MRPS18A: variants seen among roughly 807,000 people sequenced by gnomAD.
MRPS18A encodes mitochondrial ribosomal protein S18A.
MRPS18A carries 20 observed loss-of-function variants against 22.7 expected under a neutral mutation model. That is an observed-to-expected ratio of 0.88 (90% CI 0.62 to 1.28). The LOEUF is 1.28. Ranked by LOEUF, MRPS18A falls within the 50% of genes most tolerant of loss-of-function variation. MRPS18A has a pLI of 0.00. For missense variants in MRPS18A, 294 were observed against 262.6 expected (o/e 1.12, Z -0.83); for synonymous variants, 106 against 99.1 (o/e 1.07, Z -0.41).
intron 5 of MRPS18A, among the ~76,000 whole-genome samples, chr6:43,674,118 C>T (rs1253332119): frequency 6.6e-6 from 1 of 152,188 alleles, no homozygotes; most frequent in East Asian, 1.9e-4. Context: ...GAGATGGGCA[C>T]ACAGCCAGGG....
rs190812195 is a variant in MRPS18A at position 43,679,431 on chromosome 6, T to A, written c.145-806A>T. ...ATACAGATGGGAGGATACATTTCTC[T>A]GTCATGCTCCTTGCTTTTATCATTT... On this transcript the variant is annotated intron_variant, in intron 2 of 5. Coordinates refer to ENST00000372133, the MANE Select transcript of MRPS18A (RefSeq NM_018135.4). 4.6e-5 allele frequency among the ~76,000 whole-genome samples: 7 copies of A among 152,400 alleles called. No individual in the cohort carries two copies. In the East Asian group the frequency reaches 1.3e-3, roughly 29 times the overall value.
intron 2 of MRPS18A, among the ~76,000 whole-genome samples, chr6:43,679,747 T>C (rs1774282119): frequency 1.3e-5 from 2 of 152,100 alleles, no homozygotes; most frequent in African/African-American, 4.8e-5. Context: ...TGCAGGGCAC[T>C]GCTACCCTCC....
chr6:43,684,542 CT>C (rs1330169732), intron 1 of MRPS18A, among the ~76,000 whole-genome samples: 2 of 152,192 alleles, frequency 1.3e-5, no homozygotes, highest in African/African-American at 4.8e-5. Context: ...CCTTGGACCC[CT>C]GAGGGAATGT....
At chr6:43,678,296 T>C (rs1236191453) in intron 3 of MRPS18A, among the ~76,000 whole-genome samples, 1 of 152,146 alleles carries the variant, frequency 6.6e-6, no homozygotes, top group Non-Finnish European at 1.5e-5. Flanking sequence ...ATGAAGTGGC[T>C]TGGGAGGACC....
At position 43,671,617 on chromosome 6, in the gene MRPS18A, C is replaced by T; in HGVS notation, c.*145G>A. 1 of 937,412 alleles carries T rather than the reference C, an allele frequency of 1.1e-6. No individual in the cohort carries two copies. Among genetic ancestry groups the T allele is most frequent in the Non-Finnish European group, 1.6e-6 (1 of 613,478 alleles). The allele number at this position is 937,412 out of a possible 1,614,324, so 58.1% of individuals were successfully genotyped here. A position where few individuals can be genotyped will look rare whatever the true frequency, so the allele number is the denominator to read the frequency against. ...CAGGCCAAGGGTACTGAAGTTAGTC[C>T]CACTGTCCCCTGTCCATGCATGTTG... On this transcript the variant is annotated 3_prime_UTR_variant, in exon 6 of 6. Transcript: ENST00000372133.
rs1773687615 is a variant in MRPS18A, at chr6:43,671,378, T to TCA, written c.*382_*383dup. On this transcript the variant is annotated 3_prime_UTR_variant, in exon 6 of 6. Transcript: ENST00000372133. ...GGCCCCATCACAAGAGATCAGTGAC[T>TCA]CAATGCTCAGCACCCAGCTGGCAAT... 1 of 398,146 alleles carries TCA rather than the reference T, an allele frequency of 2.5e-6. No homozygotes were observed. The highest frequency in any genetic ancestry group is 4.6e-6 in the Non-Finnish European group (1 of 216,034). 24.7% of individuals were successfully genotyped at this position (398,146 alleles called of 1,614,324 possible). A position where few individuals can be genotyped will look rare whatever the true frequency, so the allele number is the denominator to read the frequency against.
chr6:43,673,942 G>A lies in MRPS18A; in HGVS notation c.446+1260C>T, dbSNP rs890001648. Among the ~76,000 whole-genome samples the A allele has an allele frequency of 1.3e-5, 2 of 152,202 alleles. No homozygotes were observed. The highest frequency in any genetic ancestry group is 1.5e-5 in the Non-Finnish European group (1 of 68,028). On this transcript the variant is annotated intron_variant, in intron 5 of 5. Coordinates refer to ENST00000372133, the MANE Select transcript of MRPS18A (RefSeq NM_018135.4). This position sits in a 1 kb window ranked among gnomAD's most constrained non-coding sequence, Gnocchi z 4.2. ...AGCTTCAAAGGCCTGAGGCAGGATG[G>A]ATTGTGTCCTCAGGCCTGCTGCTGT...
Position 43,671,622 on chromosome 6 carries a change from G to T in MRPS18A, c.*140C>A. 3 of 977,128 alleles carry T rather than the reference G, an allele frequency of 3.1e-6. No individual in the cohort carries two copies. The highest frequency in any genetic ancestry group is 3.1e-6 in the Non-Finnish European group (2 of 643,666). The allele number at this position is 977,128 out of a possible 1,614,324, so 60.5% of individuals were successfully genotyped here. Reference sequence around the variant, plus strand: ...CAAGGGTACTGAAGTTAGTCCCACTGTCCCCTGTCCATGCATGTTGGAGGG... The same window carrying T: ...CAAGGGTACTGAAGTTAGTCCCACTTTCCCCTGTCCATGCATGTTGGAGGG... On this transcript the variant is annotated 3_prime_UTR_variant, in exon 6 of 6. Transcript: ENST00000372133.
Position 43,687,712 on chromosome 6 carries a change from G to T in MRPS18A, c.68C>A (p.Ala23Glu). The change falls in exon 1 of 6, where the codon GCA becomes GAA. Residue 23 changes from alanine (A) to glutamate (E), a missense_variant. Physicochemically the swap from Ala to Glu is moderately radical, Grantham distance 107. Transcript: ENST00000372133. ...TGGAAGCCGAGACCAGCTGGTCGCT[G>T]CCGGGCCCGCTAGTAGCCCACGGAG... ...RLLRGLLAGP[A>E]ATSWSRLPAR... is the part of the protein sequence containing the mutation. 6.3e-7 allele frequency: 1 copy of T among 1,586,214 alleles called. No homozygotes were observed. The highest frequency in any genetic ancestry group is 8.6e-7 in the Non-Finnish European group (1 of 1,166,522).
Position 43,687,783 on chromosome 6 carries a change from C to G in MRPS18A, c.-4G>C. 1.3e-6 allele frequency: 2 copies of G among 1,563,384 alleles called. No homozygotes were observed. Among genetic ancestry groups the G allele is most frequent in the Non-Finnish European group, 1.7e-6 (2 of 1,153,398 alleles). On this transcript the variant is annotated 5_prime_UTR_variant, in exon 1 of 6. Coordinates refer to ENST00000372133, the MANE Select transcript of MRPS18A (RefSeq NM_018135.4). ...CCAGAGCCTTGAGGGCCGCCATCTT[C>G]AAAAACCTACCCTGACCTCTCGTCC...
At chr6:43,675,154 T>A (rs761983423) in intron 5 of MRPS18A, 48 bp downstream of exon 5, 12 of 1,448,606 alleles carry the variant, frequency 8.3e-6, no homozygotes, top group African/African-American at 4.3e-5. Flanking sequence ...GCACCCTAGT[T>A]TTCCTGAGCG....
At chr6:43,672,321 A>G in intron 5 of MRPS18A, 1 of 463,656 alleles carries the variant, frequency 2.2e-6, no homozygotes, top group South Asian at 1.6e-5. Flanking sequence ...TCACTCAGCT[A>G]CCCCAACCTT....
chr6:43,687,089 C>A (rs1055236998), intron 1 of MRPS18A, among the ~76,000 whole-genome samples: 4 of 152,204 alleles, frequency 2.6e-5, no homozygotes, highest in Non-Finnish European at 5.9e-5. Context: ...AGTTGATGCT[C>A]GAATCAGGCC....
intron 2 of MRPS18A, among the ~76,000 whole-genome samples, chr6:43,678,937 C>CAAAA (rs35979073): frequency 0.22 from 32,847 of 151,814 alleles, 4,130 homozygotes; most frequent in East Asian, 0.37. Context: ...TTTCCGTCCT[C>CAAAA]GAAAAAAACA....
chr6:43,671,738 G>T lies in MRPS18A; in HGVS notation c.*24C>A. On this transcript the variant is annotated 3_prime_UTR_variant, in exon 6 of 6. Transcript: ENST00000372133. ...CTACTCCCCAGCACAGGTGCAGGAG[G>T]AACTCTGGAAGCACTGCTCTCTGTC... 1 of 1,614,000 alleles carries T rather than the reference G, an allele frequency of 6.2e-7. No individual in the cohort carries two copies. Among genetic ancestry groups the T allele is most frequent in the South Asian group, 1.1e-5 (1 of 91,062 alleles).
chr6:43,678,347 G>C (rs1033371668), intron 3 of MRPS18A, 171 bp downstream of exon 3: 9 of 557,596 alleles, frequency 1.6e-5, no homozygotes, highest in African/African-American at 3.8e-5. Context: ...AAGCTCCCCA[G>C]GTGATTCTAA....
intron 5 of MRPS18A, 77 bp from the exon 6 acceptor site, chr6:43,671,983 C>T (rs149588576): frequency 6.9e-7 from 1 of 1,455,352 alleles, no homozygotes; most frequent in African/African-American, 1.4e-5. Flanking sequence ...GCACTACCTC[C>T]TCAGGCCAGG....
chr6:43,687,655 A>G lies in MRPS18A; in HGVS notation c.112+13T>C. The G allele has an allele frequency of 9.0e-7, 1 of 1,111,482 alleles. No individual in the cohort carries two copies. The highest frequency in any genetic ancestry group is 1.6e-5 in the South Asian group (1 of 61,984). 68.9% of individuals were successfully genotyped at this position (1,111,482 alleles called of 1,614,324 possible). On this transcript the variant is annotated intron_variant, in intron 1 of 5. Transcript: ENST00000372133. ...TTCTTAATTTCAGGAGGTTGCTGGG[A>G]CGCATGACTCACCTTCCCTGAACCC...
intron 5 of MRPS18A, 94 bp from the exon 6 acceptor site, chr6:43,672,000 T>G (rs911284093): frequency 2.2e-6 from 3 of 1,381,484 alleles, no homozygotes; most frequent in Non-Finnish European, 2.9e-6. Flanking sequence ...CAGGCCACGG[T>G]TGGGCAAGCA....
Sources: gnomAD v4.1 joint callset for allele counts (sites outside exome capture counted in the v4.1 genomes callset) on GRCh38, gnomAD v4.1.1 for gene constraint, Gnocchi (gnomAD v3.1) non-coding constraint, MANE v1.5 for transcripts, NCBI Gene and HGNC (gene_info 2026-07-23, HGNC 2026-07-21) for gene names.